THSD7B: variants seen among roughly 807,000 people sequenced by gnomAD.
The protein encoded by THSD7B is thrombospondin type 1 domain containing 7B.
THSD7B carries 138 observed loss-of-function variants against 213.6 expected under a neutral mutation model. The ratio of observed to expected loss-of-function variants is 0.65; its 90% CI spans 0.56 to 0.74. The LOEUF (loss-of-function observed/expected upper bound fraction) is 0.74, where lower values mean the gene tolerates loss of function less well. THSD7B is among the 30% of genes least tolerant of loss of function. The probability of loss-of-function intolerance (pLI) is 0.00; values close to 1 mark genes in which losing one functional copy is unlikely to be tolerated. For missense variants in THSD7B, 1,931 were observed against 1,991.5 expected (o/e 0.97, Z 0.58); for synonymous variants, 742 against 687.0 (o/e 1.08, Z -1.25).
intron 5 of THSD7B, among the ~76,000 whole-genome samples, chr2:137,141,694 T>C (rs1394545890): frequency 6.6e-6 from 1 of 151,810 alleles, no homozygotes; most frequent in Non-Finnish European, 1.5e-5. Context: ...CGTGTGTGTG[T>C]GTGTGTGTGT....
In THSD7B at chr2:137,303,707, TATATATATTTA is replaced by T. The variant is rs1683666786; in HGVS notation, c.2500+27682_2500+27692del. 2.7e-5 allele frequency among the ~76,000 whole-genome samples: 3 copies of T among 111,662 alleles called. 1 individual carries two copies. The highest frequency in any genetic ancestry group is 2.8e-4 in the South Asian group (1 of 3,588). The allele number at this position is 111,662 out of a possible 152,430, so 73.3% of individuals were successfully genotyped here. A position where few individuals can be genotyped will look rare whatever the true frequency, so the allele number is the denominator to read the frequency against. On this transcript the variant is annotated intron_variant, in intron 12 of 27. Transcript: ENST00000409968. ...ATTTATATATATTTATATATATTTA[TATATATATTTA>T]TATATATATTTATATATATATTTAT... is the stretch of plus-strand genomic sequence containing the variant.
intron 3 of THSD7B, among the ~76,000 whole-genome samples, chr2:137,092,952 T>A (rs77231078): frequency 0.02 from 3,013 of 152,326 alleles, 107 homozygotes; most frequent in African/African-American, 0.068. Context: ...TCCCCTTTTT[T>A]AAACCACATT....
chr2:137,584,473 T>C (rs1681668141), intron 17 of THSD7B, among the ~76,000 whole-genome samples: 1 of 152,244 alleles, frequency 6.6e-6, no homozygotes, highest in African/African-American at 2.4e-5. Flanking sequence ...GCTGTGGCTT[T>C]GTCATAAATA....
Position 137,484,035 on chromosome 2 carries a change from T to TATA in THSD7B, c.3138+33013_3138+33015dup, listed in dbSNP as rs1188191255. Among the ~76,000 whole-genome samples, 3 of 152,070 alleles carry TATA rather than the reference T, an allele frequency of 2.0e-5. No homozygotes were observed. The East Asian group carries it at 5.8e-4, about 29-fold the overall frequency. ...TCTTTTTTTTTTATTTTATTATTAT[T>TATA]ATACTTTAAGTTTTAGGGTACATGT... On this transcript the variant is annotated intron_variant, in intron 15 of 27. Transcript: ENST00000409968.
At chr2:137,048,523 G>A (rs1299055219) in intron 2 of THSD7B, among the ~76,000 whole-genome samples, 1 of 152,160 alleles carries the variant, frequency 6.6e-6, no homozygotes, top group East Asian at 1.9e-4. Context: ...TGAAGTTAGG[G>A]AAAATATTGT....
chr2:137,332,711 A>G (rs1468371675), intron 12 of THSD7B, among the ~76,000 whole-genome samples: 1 of 152,214 alleles, frequency 6.6e-6, no homozygotes, highest in East Asian at 1.9e-4. Context: ...GTGAGAGGTA[A>G]TTGAATCATG....
rs372066158 is a variant in THSD7B, at chr2:137,232,938, A to G, written c.1955A>G (p.His652Arg). 1.5e-5 allele frequency: 24 copies of G among 1,613,966 alleles called. No homozygotes were observed. The highest frequency in any genetic ancestry group is 1.7e-5 in the Admixed American group (1 of 60,014). The change falls in exon 9 of 28, where the codon CAT (histidine) becomes CGT (arginine). Residue 652 changes from histidine to arginine, a missense_variant. By Grantham distance (29) the His-to-Arg change is conservative. Transcript: ENST00000409968. Reference sequence around the variant, plus strand: ...CCCCCTAGTCAGGCTCTCCAAGAGCATCGTTTGTGTAATGACCATTCCTGT... The same window carrying G: ...CCCCCTAGTCAGGCTCTCCAAGAGCGTCGTTTGTGTAATGACCATTCCTGT... ...PCPPSQALQE[H>R]RLCNDHSCMQ...
chr2:136,964,743 C>A (rs1240588455), intron 2 of THSD7B, among the ~76,000 whole-genome samples: 1 of 152,118 alleles, frequency 6.6e-6, no homozygotes, highest in African/African-American at 2.4e-5. Context: ...TGGCTCACAT[C>A]TGTAATCCCA....
intron 12 of THSD7B, among the ~76,000 whole-genome samples, chr2:137,279,974 C>G (rs1173583396): frequency 1.3e-5 from 2 of 152,120 alleles, no homozygotes; most frequent in Non-Finnish European, 2.9e-5. Flanking sequence ...CATGGGAAAG[C>G]CGGCTTGAGG....
At chr2:136,924,370 T>C (rs1344832635) in intron 2 of THSD7B, among the ~76,000 whole-genome samples, 2 of 150,942 alleles carry the variant, frequency 1.3e-5, no homozygotes, top group Non-Finnish European at 3.0e-5. Flanking sequence ...TTCTTACTTT[T>C]TGGTGTATGA....
At chr2:137,610,386 A>G (rs1317697813) in intron 17 of THSD7B, among the ~76,000 whole-genome samples, 4 of 152,230 alleles carry the variant, frequency 2.6e-5, no homozygotes, top group African/African-American at 9.6e-5. Flanking sequence ...GCTAGGGTAA[A>G]AAAAGCCCCA....
intron 2 of THSD7B, among the ~76,000 whole-genome samples, chr2:136,920,319 C>T (rs1381580527): frequency 6.6e-6 from 1 of 152,062 alleles, no homozygotes; most frequent in African/African-American, 2.4e-5. Flanking sequence ...GTCCAGCTCT[C>T]AGCAGGGAGG....
chr2:136,996,526 G>A (rs1446744377), intron 2 of THSD7B, among the ~76,000 whole-genome samples: 1 of 151,812 alleles, frequency 6.6e-6, no homozygotes, highest in South Asian at 2.1e-4. Flanking sequence ...AAAATTATTT[G>A]TAGAGATGGG....
At chr2:137,082,073 T>C (rs1236844601) in intron 3 of THSD7B, among the ~76,000 whole-genome samples, 1 of 151,896 alleles carries the variant, frequency 6.6e-6, no homozygotes, top group Non-Finnish European at 1.5e-5. Context: ...TGTATCTGGG[T>C]TCTGAACTGC....
chr2:137,166,048 A>G (rs2104990190), intron 6 of THSD7B, among the ~76,000 whole-genome samples: 2 of 152,290 alleles, frequency 1.3e-5, no homozygotes, highest in South Asian at 4.1e-4. Flanking sequence ...CATGACTTTT[A>G]TTCTTAATCA....
intron 5 of THSD7B, among the ~76,000 whole-genome samples, chr2:137,124,992 A>C (rs2104947197): frequency 6.6e-6 from 1 of 152,276 alleles, no homozygotes; most frequent in South Asian, 2.1e-4. Flanking sequence ...TAAGACTTTA[A>C]TTATTTTTTT....
chr2:137,532,227 T>C (rs1680411511), intron 15 of THSD7B, among the ~76,000 whole-genome samples: 1 of 151,938 alleles, frequency 6.6e-6, no homozygotes, highest in Non-Finnish European at 1.5e-5. Flanking sequence ...GCCATCTTGA[T>C]CAAATGTATT....
At position 137,336,269 on chromosome 2, in the gene THSD7B, G is replaced by A. The variant is rs145215876; in HGVS notation, c.2500+60243G>A. Among the ~76,000 whole-genome samples the A allele has an allele frequency of 5.2e-4, 79 of 152,256 alleles. 1 individual carries two copies. Among genetic ancestry groups the A allele is most frequent in the Middle Eastern group, 3.4e-3 (1 of 294 alleles). On this transcript the variant is annotated intron_variant, in intron 12 of 27. Coordinates refer to ENST00000409968, the MANE Select transcript of THSD7B (RefSeq NM_001316349.2). ...CAAAGCTGCAATAAAAAGTGCTGAT[G>A]CAGGAAAAACCAGTAAGTTACCTGC... is the stretch of plus-strand genomic sequence containing the variant.
At chr2:137,626,047 TGGGTAG>T (rs1334799326) in intron 20 of THSD7B, among the ~76,000 whole-genome samples, 1 of 152,208 alleles carries the variant, frequency 6.6e-6, no homozygotes, top group Admixed American at 6.5e-5. Flanking sequence ...CACTGGGATG[TGGGTAG>T]CAGATCTCTG....
Sources: gnomAD v4.1 joint callset for allele counts (sites outside exome capture counted in the v4.1 genomes callset) on GRCh38, gnomAD v4.1.1 for gene constraint, MANE v1.5 for transcripts, NCBI Gene and HGNC (gene_info 2026-07-23, HGNC 2026-07-21) for gene names.